RAD18: variants seen among roughly 807,000 people sequenced by gnomAD.
The protein encoded by RAD18 is RAD18 E3 ubiquitin protein ligase.
Under a neutral mutation model 60.4 loss-of-function variants are expected in RAD18, and 47 were observed. The observed-to-expected ratio is 0.78, with a 90% CI of 0.62 to 0.99. The LOEUF (loss-of-function observed/expected upper bound fraction) is 0.99, where lower values mean the gene tolerates loss of function less well. RAD18 is among the 50% of genes least tolerant of loss of function. The probability of loss-of-function intolerance (pLI) is 0.00; values close to 1 mark genes in which losing one functional copy is unlikely to be tolerated. For missense variants in RAD18, 640 were observed against 593.3 expected (o/e 1.08, Z -0.82); for synonymous variants, 225 against 195.5 (o/e 1.15, Z -1.26).
intron 7 of RAD18, among the ~76,000 whole-genome samples, chr3:8,931,862 G>C (rs1293685070): frequency 6.6e-6 from 1 of 152,216 alleles, no homozygotes; most frequent in Non-Finnish European, 1.5e-5. Flanking sequence ...TGGCCGTTAG[G>C]ATTTGACAAT....
chr3:8,963,084 T>C (rs557426333), intron 1 of RAD18, among the ~76,000 whole-genome samples: 1 of 152,292 alleles, frequency 6.6e-6, no homozygotes, highest in African/African-American at 2.4e-5. Context: ...TTGTTGGGAT[T>C]GGATCGCAGA....
At chr3:8,926,096 CA>C (rs1388832378) in intron 7 of RAD18, among the ~76,000 whole-genome samples, 2 of 151,904 alleles carry the variant, frequency 1.3e-5, no homozygotes, top group Admixed American at 6.6e-5. Flanking sequence ...AAAGGGTATT[CA>C]ATTAGGAAAA....
chr3:8,907,458 T>C (rs1240229622), intron 9 of RAD18, among the ~76,000 whole-genome samples: 2 of 152,176 alleles, frequency 1.3e-5, no homozygotes, highest in South Asian at 2.1e-4. Context: ...AACTCCACCC[T>C]TAACCTGGGA....
intron 10 of RAD18, among the ~76,000 whole-genome samples, chr3:8,900,875 A>G (rs1470487637): frequency 2.0e-5 from 3 of 152,354 alleles, no homozygotes; most frequent in East Asian, 3.9e-4. Context: ...AAAGAGTAAT[A>G]TTGATGTTCA....
intron 7 of RAD18, among the ~76,000 whole-genome samples, chr3:8,922,208 T>C (rs1368353828): frequency 2.0e-5 from 3 of 152,228 alleles, no homozygotes; most frequent in Non-Finnish European, 4.4e-5. Flanking sequence ...GGATGACAGA[T>C]GGCACCTGGA....
At chr3:8,926,236 G>A (rs1231025922) in intron 7 of RAD18, among the ~76,000 whole-genome samples, 1 of 152,080 alleles carries the variant, frequency 6.6e-6, no homozygotes, top group Non-Finnish European at 1.5e-5. Context: ...AAATCAATGT[G>A]CAAAAATCAC....
chr3:8,949,999 A>G lies in RAD18; in HGVS notation c.134-1429T>C, dbSNP rs45553036. On this transcript the variant is annotated intron_variant, in intron 2 of 12. Transcript: ENST00000264926. ...GGAGGGTAAAAGTAACCATTTCTAA[A>G]TAAGCCAGAGTAGTCTGTTTTTTTT... Among the ~76,000 whole-genome samples the G allele has an allele frequency of 3.5e-3, 538 of 152,234 alleles. 3 individuals carry two copies. The highest frequency in any genetic ancestry group is 0.013 in the African/African-American group (523 of 41,538).
At chr3:8,901,359 A>G (rs941315021) in intron 10 of RAD18, among the ~76,000 whole-genome samples, 1 of 152,214 alleles carries the variant, frequency 6.6e-6, no homozygotes, top group African/African-American at 2.4e-5. Flanking sequence ...CAATGCTCAT[A>G]GCAGCATTAT....
At chr3:8,943,797 G>C (rs1940795141) in intron 4 of RAD18, among the ~76,000 whole-genome samples, 2 of 152,086 alleles carry the variant, frequency 1.3e-5, no homozygotes, top group African/African-American at 4.8e-5. Flanking sequence ...ATGAAAACTA[G>C]AAAAATATTC....
In RAD18 at chr3:8,935,754, G is replaced by A. The variant is rs1258987723; in HGVS notation, c.889+117C>T. On this transcript the variant is annotated intron_variant, in intron 7 of 12. Coordinates refer to ENST00000264926, the MANE Select transcript of RAD18 (RefSeq NM_020165.4). ...ACCTTTTGAAGGAACACATTTGCAC[G>A]TCTTATCTATCAAAAATGTATTTAT... The A allele has an allele frequency of 2.6e-5, 26 of 989,018 alleles. No individual in the cohort carries two copies. The East Asian group carries it at 5.7e-4, about 22-fold the overall frequency. The allele number at this position is 989,018 out of a possible 1,614,324, so 61.3% of individuals were successfully genotyped here.
At chr3:8,910,803 T>C (rs1271734498) in intron 9 of RAD18, among the ~76,000 whole-genome samples, 1 of 152,190 alleles carries the variant, frequency 6.6e-6, no homozygotes, top group African/African-American at 2.4e-5. Context: ...TCTTTCATAT[T>C]AGCACATCAA....
intron 10 of RAD18, among the ~76,000 whole-genome samples, chr3:8,899,677 G>C (rs1402642542): frequency 6.6e-6 from 1 of 152,198 alleles, no homozygotes; most frequent in Non-Finnish European, 1.5e-5. Flanking sequence ...GAAGGATGCA[G>C]TGTTTACAAA....
intron 11 of RAD18, among the ~76,000 whole-genome samples, chr3:8,893,530 C>T (rs654448): frequency 0.85 from 129,156 of 152,022 alleles, 55,215 homozygotes; most frequent in African/African-American, 0.93. Flanking sequence ...CAAACAATAG[C>T]TTATATGCCA....
intron 7 of RAD18, among the ~76,000 whole-genome samples, chr3:8,924,724 T>G (rs1221489815): frequency 1.2e-3 from 150 of 123,132 alleles, no homozygotes; most frequent in Admixed American, 1.9e-3. Flanking sequence ...CAGACCACAG[T>G]GCAATCAAAC....
chr3:8,919,182 A>G (rs1940264804), intron 7 of RAD18, among the ~76,000 whole-genome samples: 1 of 152,224 alleles, frequency 6.6e-6, no homozygotes, highest in Non-Finnish European at 1.5e-5. Context: ...GGGATCTGGG[A>G]ACTAAATCAT....
At chr3:8,898,712 T>C (rs1939843287) in intron 11 of RAD18, among the ~76,000 whole-genome samples, 182 bp downstream of exon 11, 1 of 152,178 alleles carries the variant, frequency 6.6e-6, no homozygotes. Flanking sequence ...ATCCCTGCAC[T>C]ACCTTCCCAA....
chr3:8,913,626 A>G lies in RAD18; in HGVS notation c.966+18T>C. 1 of 1,477,150 alleles carries G rather than the reference A, an allele frequency of 6.8e-7. No homozygotes were observed. Among genetic ancestry groups the G allele is most frequent in the Non-Finnish European group, 9.1e-7 (1 of 1,096,492 alleles). The allele number at this position is 1,477,150 out of a possible 1,614,324, so 91.5% of individuals were successfully genotyped here. A position where few individuals can be genotyped will look rare whatever the true frequency, so the allele number is the denominator to read the frequency against. ...TTCTTCATTTCTATCCATATACTGA[A>G]ATAGCCCATTAACATACACTTTCAT... On this transcript the variant is annotated intron_variant, in intron 8 of 12. Coordinates refer to ENST00000264926, the MANE Select transcript of RAD18 (RefSeq NM_020165.4).
At chr3:8,947,075 A>G in intron 4 of RAD18, 145 bp downstream of exon 4, 1 of 645,856 alleles carries the variant, frequency 1.5e-6, no homozygotes, top group South Asian at 2.2e-5. Context: ...TAAATTTTCC[A>G]TGTGTGAATA....
rs1939441311 is a variant in RAD18, at chr3:8,880,629, G to A, written c.*728C>T. Reference sequence around the variant, plus strand: ...CTTTTTGTTTAATAGCTTGGATTCAGTGTTACAGATTTGATTGACCCAAGT... The same window carrying A: ...CTTTTTGTTTAATAGCTTGGATTCAATGTTACAGATTTGATTGACCCAAGT... On this transcript the variant is annotated 3_prime_UTR_variant, in exon 13 of 13. Coordinates refer to ENST00000264926, the MANE Select transcript of RAD18 (RefSeq NM_020165.4). 1 of 152,116 alleles carries A rather than the reference G, an allele frequency of 6.6e-6. No homozygotes were observed. Among genetic ancestry groups the A allele is most frequent in the Non-Finnish European group, 1.5e-5 (1 of 68,016 alleles). 9.4% of individuals were successfully genotyped at this position (152,116 alleles called of 1,614,324 possible). A position where few individuals can be genotyped will look rare whatever the true frequency, so the allele number is the denominator to read the frequency against.
Sources: gnomAD v4.1 joint callset for allele counts (sites outside exome capture counted in the v4.1 genomes callset) on GRCh38, gnomAD v4.1.1 for gene constraint, MANE v1.5 for transcripts, NCBI Gene and HGNC (gene_info 2026-07-23, HGNC 2026-07-21) for gene names.